ROBO1: variants seen among roughly 807,000 people sequenced by gnomAD.
ROBO1 encodes the protein roundabout homolog 1.
Under a neutral mutation model 195.9 loss-of-function variants are expected in ROBO1, and 149 were observed. That is an observed-to-expected ratio of 0.76 (90% CI 0.67 to 0.87). The LOEUF is 0.87. Ranked by LOEUF, ROBO1 falls within the 40% of genes least tolerant of loss-of-function variation. The pLI, the probability that ROBO1 is intolerant of heterozygous loss-of-function variation, is 0.00. For missense variants in ROBO1, 1,933 were observed against 2,068.3 expected (o/e 0.93, Z 1.27); for synonymous variants, 816 against 733.2 (o/e 1.11, Z -1.82).
intron 3 of ROBO1, among the ~76,000 whole-genome samples, chr3:78,977,871 A>C (rs996278929): frequency 2.6e-5 from 4 of 152,096 alleles, no homozygotes; most frequent in Admixed American, 1.3e-4. Context: ...CAGTCTATTA[A>C]TGTTTTTAAT....
intron 4 of ROBO1, among the ~76,000 whole-genome samples, chr3:78,813,120 C>G (rs1236610332): frequency 6.6e-6 from 1 of 151,982 alleles, no homozygotes; most frequent in Non-Finnish European, 1.5e-5. Flanking sequence ...ACATACAGAT[C>G]TGTCAATTGC....
intron 3 of ROBO1, among the ~76,000 whole-genome samples, chr3:79,023,515 A>C (rs946471361): frequency 2.6e-5 from 4 of 152,094 alleles, no homozygotes; most frequent in African/African-American, 9.7e-5. Flanking sequence ...AAATGTACAT[A>C]AGGTGCCTTT....
At chr3:78,807,383 A>G (rs1576204529) in intron 4 of ROBO1, among the ~76,000 whole-genome samples, 1 of 152,214 alleles carries the variant, frequency 6.6e-6, no homozygotes, top group African/African-American at 2.4e-5. Flanking sequence ...AAAAACTAAA[A>G]AGTTATAGAT....
At chr3:79,257,859 G>C (rs1285790878) in intron 2 of ROBO1, among the ~76,000 whole-genome samples, 2 of 151,980 alleles carry the variant, frequency 1.3e-5, no homozygotes, top group Non-Finnish European at 2.9e-5. Context: ...CAAAAATGAT[G>C]ACTAAAACAA....
chr3:79,747,343 A>C (rs923374489), intron 1 of ROBO1, among the ~76,000 whole-genome samples: 1 of 152,116 alleles, frequency 6.6e-6, no homozygotes, highest in Non-Finnish European at 1.5e-5. Flanking sequence ...GTATGTATAC[A>C]TGTGTGTATA....
intron 1 of ROBO1, among the ~76,000 whole-genome samples, chr3:79,617,925 A>ATT (rs1304517486): frequency 2.8e-3 from 404 of 145,618 alleles, no homozygotes; most frequent in Non-Finnish European, 3.6e-3. Context: ...ATATATTAAA[A>ATT]AAAAAAAAAA....
At chr3:79,143,398 G>A (rs993517080) in intron 2 of ROBO1, among the ~76,000 whole-genome samples, 6 of 151,966 alleles carry the variant, frequency 3.9e-5, no homozygotes, top group African/African-American at 1.4e-4. Context: ...ACATGATAGT[G>A]AATGAAATAA....
chr3:78,767,080 T>C (rs539490642), intron 4 of ROBO1, among the ~76,000 whole-genome samples: 132 of 152,274 alleles, frequency 8.7e-4, no homozygotes, highest in Non-Finnish European at 1.6e-3. Flanking sequence ...TATAGTTTCC[T>C]TTTTTGGTAA....
At chr3:79,654,853 T>G (rs756012589) in intron 1 of ROBO1, among the ~76,000 whole-genome samples, 24 of 152,060 alleles carry the variant, frequency 1.6e-4, no homozygotes, top group Admixed American at 8.5e-4. Context: ...CATCCTTTTC[T>G]GTTTGGCTCT....
In ROBO1 at chr3:79,316,145, A is replaced by G. The variant is rs1157819079; in HGVS notation, c.89-190606T>C. Among the ~76,000 whole-genome samples, 5 of 152,330 alleles carry G rather than the reference A, an allele frequency of 3.3e-5. No individual in the cohort carries two copies. In the South Asian group the frequency reaches 8.3e-4, roughly 25 times the overall value. On this transcript the variant is annotated intron_variant, in intron 2 of 30. Transcript: ENST00000464233. ...TTATGACTGAGACAAGTCTTTAGAC[A>G]AACTCTAAGATGAGACAACCTAGCA...
chr3:79,758,887 C>T (rs1704547890), intron 1 of ROBO1, among the ~76,000 whole-genome samples: 2 of 152,124 alleles, frequency 1.3e-5, no homozygotes, highest in African/African-American at 4.8e-5. Context: ...TAAATTTGTT[C>T]ATTTTCCAAA....
chr3:78,676,403 A>G (rs1708429090), intron 10 of ROBO1, among the ~76,000 whole-genome samples: 1 of 152,214 alleles, frequency 6.6e-6, no homozygotes, highest in South Asian at 2.1e-4. Flanking sequence ...ATTCAAACCC[A>G]AGGCAAAGAA....
At chr3:79,078,231 A>T (rs1031809975) in intron 3 of ROBO1, among the ~76,000 whole-genome samples, 2 of 151,812 alleles carry the variant, frequency 1.3e-5, no homozygotes, top group Non-Finnish European at 2.9e-5. Flanking sequence ...TTAATTTCTC[A>T]ACTTAAAATA....
At chr3:79,381,640 C>T (rs2036579739) in intron 2 of ROBO1, among the ~76,000 whole-genome samples, 1 of 151,854 alleles carries the variant, frequency 6.6e-6, no homozygotes, top group Non-Finnish European at 1.5e-5. Context: ...AAACTCTAGC[C>T]TAGTGTAATG....
chr3:79,387,636 A>G (rs531208062), intron 2 of ROBO1, among the ~76,000 whole-genome samples: 1 of 152,138 alleles, frequency 6.6e-6, no homozygotes, highest in Admixed American at 6.5e-5. Flanking sequence ...CCTTCAGTGC[A>G]AGGATACATT....
intron 10 of ROBO1, among the ~76,000 whole-genome samples, chr3:78,679,006 C>T (rs1052142140): frequency 6.6e-6 from 1 of 152,138 alleles, no homozygotes; most frequent in African/African-American, 2.4e-5. Context: ...CCCTGGGATG[C>T]AAGGCTGGTT....
At chr3:78,917,454 A>G (rs375043372) in intron 4 of ROBO1, among the ~76,000 whole-genome samples, 6 of 152,184 alleles carry the variant, frequency 3.9e-5, no homozygotes, top group African/African-American at 1.4e-4. Flanking sequence ...TAATTATGAA[A>G]AATTAAGCTA....
At chr3:78,876,606 A>G (rs879368694) in intron 4 of ROBO1, among the ~76,000 whole-genome samples, 18 of 152,212 alleles carry the variant, frequency 1.2e-4, no homozygotes, top group Non-Finnish European at 2.5e-4. Flanking sequence ...ATAAGAATAC[A>G]TGAAAATTCC....
chr3:79,282,199 G>A (rs937458443), intron 2 of ROBO1, among the ~76,000 whole-genome samples: 1 of 152,168 alleles, frequency 6.6e-6, no homozygotes, highest in Non-Finnish European at 1.5e-5. Flanking sequence ...AATTTCTGTA[G>A]GTGATGAAAC....
Sources: gnomAD v4.1 joint callset for allele counts (sites outside exome capture counted in the v4.1 genomes callset) on GRCh38, gnomAD v4.1.1 for gene constraint, MANE v1.5 for transcripts, NCBI Gene and HGNC (gene_info 2026-07-23, HGNC 2026-07-21) for gene names.